Variants in WDR4 observed in about 807,000 individuals in gnomAD.
WDR4 encodes WDR4 tRNA N7-guanosine methyltransferase non-catalytic subunit.
Under a neutral mutation model 48.6 loss-of-function variants are expected in WDR4, and 47 were observed. The observed-to-expected ratio is 0.97, with a 90% confidence interval of 0.77 to 1.23. The LOEUF is 1.23. WDR4 is among the 50% of genes most tolerant of loss of function. The probability of loss-of-function intolerance (pLI) is 0.00; values close to 1 mark genes in which losing one functional copy is unlikely to be tolerated. For missense variants in WDR4, 606 were observed against 551.6 expected, an observed-to-expected ratio of 1.10 and a Z score of -0.99; for synonymous variants, 268 against 230.0, an observed-to-expected ratio of 1.17 and a Z score of -1.49.
intron 7 of WDR4, 55 bp from the exon 8 acceptor site, chr21:42,854,681 G>A: frequency 6.4e-7 from 1 of 1,569,598 alleles, no homozygotes; most frequent in Non-Finnish European, 8.7e-7. Flanking sequence ...CCCGACGCCG[G>A]GCGCTCTGAT....
chr21:42,847,338 G>A (rs754831051), downstream of WDR4, among the ~76,000 whole-genome samples: 3 of 152,198 alleles, frequency 2.0e-5, no homozygotes, highest in Non-Finnish European at 4.4e-5. Context: ...CCATGCAACT[G>A]TAAGAGGTAT....
At chr21:42,867,376 G>A (rs111485799) in intron 3 of WDR4, among the ~76,000 whole-genome samples, 1 of 137,888 alleles carries the variant, frequency 7.3e-6, no homozygotes, top group Admixed American at 7.7e-5. Flanking sequence ...GGGTGACAAA[G>A]AGACACTCCG....
intron 1 of WDR4, among the ~76,000 whole-genome samples, chr21:42,878,402 G>A (rs541242126): frequency 5.9e-5 from 9 of 152,318 alleles, no homozygotes; most frequent in Admixed American, 2.0e-4. Flanking sequence ...AGCAAATCAT[G>A]TCTAATATAT....
At position 42,878,622 on chromosome 21, in the gene WDR4, C is replaced by T. The variant is rs192247059; in HGVS notation, c.89+785G>A. On this transcript the variant is annotated intron_variant, in intron 1 of 10. Transcript: ENST00000398208. ...ATCACAAATAACCTGGGAAAGGAAA[C>T]GAGGGGCTGAAACTGACAGCACTAC... 1.1e-3 allele frequency among the ~76,000 whole-genome samples: 175 copies of T among 152,278 alleles called. 4 individuals are homozygous for T. The highest frequency in any genetic ancestry group is 0.01 in the Admixed American group (159 of 15,296).
chr21:42,863,244 G>A (rs1168278128), intron 4 of WDR4, among the ~76,000 whole-genome samples, 196 bp downstream of exon 4: 1 of 152,200 alleles, frequency 6.6e-6, no homozygotes, highest in East Asian at 1.9e-4. Context: ...CAAACGCTGG[G>A]GCACAGACCG....
chr21:42,864,781 C>T (rs1264645476), intron 3 of WDR4, among the ~76,000 whole-genome samples: 2 of 152,190 alleles, frequency 1.3e-5, no homozygotes, highest in East Asian at 1.9e-4. Context: ...CTACTGGAAT[C>T]GTCCCGTATT....
intron 1 of WDR4, 98 bp downstream of exon 1, chr21:42,879,309 A>C: frequency 6.5e-7 from 1 of 1,538,670 alleles, no homozygotes; most frequent in Non-Finnish European, 8.8e-7. Flanking sequence ...GTCACCCCAG[A>C]GTGGGTGCGA....
chr21:42,869,090 G>A (rs1175717443), intron 3 of WDR4, among the ~76,000 whole-genome samples: 4 of 152,164 alleles, frequency 2.6e-5, no homozygotes, highest in African/African-American at 9.7e-5. Context: ...CTGCAGAGAG[G>A]AGGAGGAGGG....
intron 7 of WDR4, 117 bp from the exon 8 acceptor site, chr21:42,854,743 G>T: frequency 1.1e-6 from 1 of 884,406 alleles, no homozygotes; most frequent in Non-Finnish European, 1.7e-6. Context: ...TCAAGGAAGA[G>T]GAAACAGCAC....
chr21:42,877,551 T>C (rs984328738), intron 1 of WDR4, among the ~76,000 whole-genome samples: 1 of 151,972 alleles, frequency 6.6e-6, no homozygotes. Flanking sequence ...AAAAGTTGTA[T>C]ACTTGACAAG....
At chr21:42,859,543 G>A in intron 6 of WDR4, 119 bp downstream of exon 6, 1 of 664,566 alleles carries the variant, frequency 1.5e-6, no homozygotes, top group Non-Finnish European at 2.4e-6. Context: ...AGATCTAGTG[G>A]ACAGCCACAG....
downstream of WDR4, among the ~76,000 whole-genome samples, chr21:42,848,747 A>T (rs1602679435): frequency 1.3e-5 from 1 of 77,240 alleles, no homozygotes. Flanking sequence ...CGCACCTCAC[A>T]CAGCACACGA....
chr21:42,870,612 A>AC (rs1471164617), intron 3 of WDR4, among the ~76,000 whole-genome samples: 1 of 152,088 alleles, frequency 6.6e-6, no homozygotes, highest in Non-Finnish European at 1.5e-5. Context: ...ACATGGTGAA[A>AC]CCCCTTCTCT....
Position 42,863,640 on chromosome 21 carries a change from G to A in WDR4, c.297-44C>T, listed in dbSNP as rs199527494. Reference sequence around the variant, plus strand: ...ACCCCCATTAGCTTCCAGGAGCAGCGCAGGGTCCTCGACAGCCTGGCAGGC... The same window carrying A: ...ACCCCCATTAGCTTCCAGGAGCAGCACAGGGTCCTCGACAGCCTGGCAGGC... On this transcript the variant is annotated intron_variant, in intron 3 of 10. Coordinates refer to ENST00000398208, the MANE Select transcript of WDR4 (RefSeq NM_018669.6). 9,961 of 1,591,138 alleles carry A rather than the reference G, an allele frequency of 6.3e-3. 39 individuals carry two copies. The highest frequency in any genetic ancestry group is 7.9e-3 in the Non-Finnish European group (9,182 of 1,165,194).
chr21:42,867,473 T>C (rs892070370), intron 3 of WDR4, among the ~76,000 whole-genome samples: 16 of 151,890 alleles, frequency 1.1e-4, no homozygotes, highest in Admixed American at 1.0e-3. Context: ...GCTCACATGC[T>C]GCAGGCTGCC....
upstream of WDR4, among the ~76,000 whole-genome samples, chr21:42,880,765 T>C (rs2058601354): frequency 6.6e-6 from 1 of 152,158 alleles, no homozygotes; most frequent in African/African-American, 2.4e-5. Flanking sequence ...ACCTCCTTCC[T>C]GTCATTAGCA....
At chr21:42,852,434 G>C in intron 9 of WDR4, 110 bp from the exon 10 acceptor site, 1 of 1,238,482 alleles carries the variant, frequency 8.1e-7, no homozygotes, top group Non-Finnish European at 1.1e-6. Context: ...GTCCCCTCCT[G>C]GTGCCTGGGG....
At chr21:42,848,498 G>A (rs762577474), downstream of WDR4, among the ~76,000 whole-genome samples, 1 of 50,022 alleles carries the variant, frequency 2.0e-5, no homozygotes, top group Admixed American at 1.7e-4. Context: ...CACAGCGCAC[G>A]ATCACACGGC....
At chr21:42,844,658 A>C, downstream of WDR4, among the ~76,000 whole-genome samples, 1 of 152,298 alleles carries the variant, frequency 6.6e-6, no homozygotes, top group African/African-American at 2.4e-5. Context: ...AAGGTGCAGC[A>C]GGCCAAGGCC....
Sources: allele counts gnomAD v4.1 joint callset (sites outside exome capture counted in the v4.1 genomes callset), GRCh38; gene constraint gnomAD v4.1.1; transcripts MANE v1.5; gene names NCBI Gene and HGNC (gene_info 2026-07-23, HGNC 2026-07-21).